Variants in PCBP2 observed in about 807,000 individuals in gnomAD.
PCBP2 encodes the protein poly(rC) binding protein 2, also known as poly(rC)-binding protein 2.
Under a neutral mutation model 50.1 loss-of-function variants are expected in PCBP2, and 4 were observed. The observed-to-expected ratio is 0.08, with a 90% CI of 0.04 to 0.18. The LOEUF is 0.18. PCBP2 is among the 10% of genes least tolerant of loss of function. The pLI, the probability that PCBP2 is intolerant of heterozygous loss-of-function variation, is 1.00. For missense variants in PCBP2, 161 were observed against 474.3 expected, an observed-to-expected ratio of 0.34 and a Z score of 6.14; for synonymous variants, 179 against 168.0, an observed-to-expected ratio of 1.07 and a Z score of -0.51.
rs1465865710 is a variant in PCBP2, at chr12:53,452,358, A to C, written c.-94A>C. The C allele has an allele frequency of 9.0e-6, 1 of 110,970 alleles. No homozygotes were observed. The highest frequency in any genetic ancestry group is 1.8e-5 in the Non-Finnish European group (1 of 54,766). The allele number at this position is 110,970 out of a possible 1,614,324, so 6.9% of individuals were successfully genotyped here. A position where few individuals can be genotyped will look rare whatever the true frequency, so the allele number is the denominator to read the frequency against. ...TCCCGCCCGCTCCCCTTTTCCCCTC[A>C]GTCGCCTCGCGCCTGCAGGTAAGCC... On this transcript the variant is annotated 5_prime_UTR_variant, in exon 1 of 15. Transcript: ENST00000546463.
intron 14 of PCBP2, 48 bp downstream of exon 14, chr12:53,471,855 G>C (rs760193820): frequency 5.9e-6 from 9 of 1,518,346 alleles, no homozygotes; most frequent in Non-Finnish European, 8.1e-6. Flanking sequence ...ACAGTAATGT[G>C]TGTGTTGGGG....
At position 53,465,722 on chromosome 12, in the gene PCBP2, A is replaced by T. The variant is rs117443429; in HGVS notation, c.673-210A>T. On this transcript the variant is annotated intron_variant, in intron 9 of 14. Coordinates refer to ENST00000546463, the MANE Select transcript of PCBP2 (RefSeq NM_031989.5). ...CAGGGAACTTGGCTACCTTTATAGG[A>T]TTCCCCGGAACAAAGTCATATTTAG... is the stretch of plus-strand genomic sequence containing the variant. Among the ~76,000 whole-genome samples, 1,202 of 152,284 alleles carry T rather than the reference A, an allele frequency of 7.9e-3. 8 individuals carry two copies. Among genetic ancestry groups the T allele is most frequent in the Non-Finnish European group, 0.012 (794 of 68,016 alleles).
intron 12 of PCBP2, chr12:53,468,443 G>C (rs1162826950): frequency 3.1e-6 from 1 of 327,500 alleles, no homozygotes; most frequent in African/African-American, 2.2e-5. Context: ...ACAGGAAAGG[G>C]GTAGAAGTAC....
intron 2 of PCBP2, 138 bp downstream of exon 2, chr12:53,455,007 T>G: frequency 1.3e-6 from 1 of 761,996 alleles, no homozygotes; most frequent in Non-Finnish European, 2.3e-6. Flanking sequence ...GGAGTAGAAG[T>G]GAGTGTAGTG....
chr12:53,452,876 A>C (rs553520995), intron 1 of PCBP2: 5 of 151,782 alleles, frequency 3.3e-5, no homozygotes, highest in Non-Finnish European at 7.4e-5. Context: ...TTTTTTCTTA[A>C]GTGGAAAATG....
intron 12 of PCBP2, 45 bp downstream of exon 12, chr12:53,467,888 T>G (rs748044836): frequency 2.2e-6 from 3 of 1,375,456 alleles, no homozygotes; most frequent in Non-Finnish European, 3.1e-6. Flanking sequence ...TACTGTTATA[T>G]TAATAAACTG....
Position 53,459,316 on chromosome 12 carries a change from C to G in PCBP2, c.288C>G (p.Pro96=). 6.2e-7 allele frequency: 1 copy of G among 1,613,196 alleles called. No individual in the cohort carries two copies. Reference sequence around the variant, plus strand: ...CCAATAGCACAGCTGCCAGTAGACCCCCGGTCACCCTGAGGCTGGTGGTCC... The same window carrying G: ...CCAATAGCACAGCTGCCAGTAGACCGCCGGTCACCCTGAGGCTGGTGGTCC... The part of the protein sequence containing the change: ...SMTNSTAASR[P]PVTLRLVVPA... The change falls in exon 6 of 15, where the codon CCC becomes CCG. Residue 96 remains proline, a synonymous_variant. Coordinates refer to ENST00000546463, the MANE Select transcript of PCBP2 (RefSeq NM_031989.5).
At chr12:53,466,987 C>G (rs573226837) in intron 10 of PCBP2, among the ~76,000 whole-genome samples, 65 of 152,236 alleles carry the variant, frequency 4.3e-4, no homozygotes, top group Admixed American at 1.6e-3. Flanking sequence ...CTTTTCTATT[C>G]CCACACCCAA....
chr12:53,476,029 AGT>A (rs1942557900), intron 14 of PCBP2: 1 of 152,234 alleles, frequency 6.6e-6, no homozygotes, highest in Non-Finnish European at 1.5e-5. Flanking sequence ...AAGTGGGATA[AGT>A]CTAATAAAAT....
intron 14 of PCBP2, among the ~76,000 whole-genome samples, chr12:53,478,862 C>CT (rs1415140778): frequency 6.7e-6 from 1 of 150,094 alleles, no homozygotes; most frequent in Non-Finnish European, 1.5e-5. Flanking sequence ...TTTTACATCT[C>CT]TTTTTAACAT....
chr12:53,466,092 T>C, intron 10 of PCBP2, 119 bp downstream of exon 10: 2 of 829,356 alleles, frequency 2.4e-6, no homozygotes, highest in Non-Finnish European at 2.1e-6. Flanking sequence ...AGTATTAAGT[T>C]GTTTTCTTCA....
intron 6 of PCBP2, chr12:53,459,803 G>A (rs1158132532): frequency 4.6e-6 from 2 of 430,910 alleles, no homozygotes; most frequent in African/African-American, 2.0e-5. Context: ...TCCCCAGGCT[G>A]GAGTGCAGTG....
rs146607300 is a variant in PCBP2 at position 53,481,108 on chromosome 12, C to CATATAT, written c.*1677_*1682dup. ...CCATCTTTCTGTTGATTATGTGGCGCATATATATATATATATGTATATATA... is the reference window on the plus strand; with the variant it reads ...CCATCTTTCTGTTGATTATGTGGCGCATATATATATATATATATATATGTATATATA... On this transcript the variant is annotated 3_prime_UTR_variant, in exon 15 of 15. Transcript: ENST00000546463. 7 of 580,928 alleles carry CATATAT rather than the reference C, an allele frequency of 1.2e-5. No homozygotes were observed. Among genetic ancestry groups the CATATAT allele is most frequent in the Non-Finnish European group, 1.6e-5 (7 of 429,030 alleles). 36.0% of individuals were successfully genotyped at this position (580,928 alleles called of 1,614,324 possible). A position where few individuals can be genotyped will look rare whatever the true frequency, so the allele number is the denominator to read the frequency against.
At chr12:53,459,799 G>C (rs769525518) in intron 6 of PCBP2, 1 of 426,578 alleles carries the variant, frequency 2.3e-6, no homozygotes, top group South Asian at 1.6e-5. Context: ...TGTCTCCCCA[G>C]GCTGGAGTGC....
At chr12:53,473,500 A>G (rs1313827207) in intron 14 of PCBP2, among the ~76,000 whole-genome samples, 2 of 152,214 alleles carry the variant, frequency 1.3e-5, no homozygotes. Context: ...CTTGCCCTTC[A>G]TGTAATTTAA....
In PCBP2 at chr12:53,475,205, C is replaced by T. The variant is rs1279204585; in HGVS notation, c.1052+3398C>T. 5 of 455,996 alleles carry T rather than the reference C, an allele frequency of 1.1e-5. No individual in the cohort carries two copies. The East Asian group carries it at 2.8e-4, about 25-fold the overall frequency. The allele number at this position is 455,996 out of a possible 1,614,324, so 28.2% of individuals were successfully genotyped here. A position where few individuals can be genotyped will look rare whatever the true frequency, so the allele number is the denominator to read the frequency against. ...AACTGAAAGGCGAGAAACAGAGATT[C>T]TCTCCCTACTGATTGCATACCTTGA... is the stretch of plus-strand genomic sequence containing the variant. On this transcript the variant is annotated intron_variant, in intron 14 of 14. Transcript: ENST00000546463.
At chr12:53,467,418 C>A in intron 11 of PCBP2, 125 bp downstream of exon 11, 1 of 840,190 alleles carries the variant, frequency 1.2e-6, no homozygotes, top group Non-Finnish European at 2.1e-6. Context: ...TTTAAACTTG[C>A]CTGTCTACTA....
Position 53,461,015 on chromosome 12 carries a change from A to G in PCBP2, c.376A>G (p.Ser126Gly). The change falls in exon 7 of 15, where the codon AGT becomes GGT. Residue 126 changes from serine to glycine, a missense_variant and splice_region_variant. Around this residue, in one of 7 missense-constraint regions of PCBP2, gnomAD observed 13 missense variants for 71.8 expected, o/e 0.18. Transcript: ENST00000546463. ...GGCKIKEIRE[S>G]TGAQVQVAGD... Reference sequence around the variant, plus strand: ...TTTTGAATTTCTTTTTACTCCAAAGAGTACAGGGGCTCAGGTCCAGGTGGC... The same window carrying G: ...TTTTGAATTTCTTTTTACTCCAAAGGGTACAGGGGCTCAGGTCCAGGTGGC... 2.5e-6 allele frequency: 4 copies of G among 1,613,210 alleles called. No individual in the cohort carries two copies. The highest frequency in any genetic ancestry group is 3.4e-6 in the Non-Finnish European group (4 of 1,179,888).
intron 5 of PCBP2, among the ~76,000 whole-genome samples, chr12:53,456,406 C>T (rs1016559816): frequency 4.0e-5 from 6 of 150,334 alleles, no homozygotes; most frequent in African/African-American, 9.8e-5. Context: ...TGTGGTGAGC[C>T]GAGATCACAC....
Sources: allele counts gnomAD v4.1 joint callset (sites outside exome capture counted in the v4.1 genomes callset), GRCh38; gene constraint gnomAD v4.1.1; regional missense constraint gnomAD v4.1.1; transcripts MANE v1.5; gene names NCBI Gene and HGNC (gene_info 2026-07-23, HGNC 2026-07-21).